The following HEMK2 variants were observed in gnomAD, a reference collection of about 807,000 sequenced individuals.
The protein encoded by HEMK2 is HemK methyltransferase 2, ETF1 glutamine and histone H4 lysine, also known as methyltransferase HEMK2.
At chr21:28,830,729 T>G in the HEMK2 span, among the ~76,000 whole-genome samples, 1 of 151,972 alleles carries the variant, frequency 6.6e-6, no homozygotes, top group Non-Finnish European at 1.5e-5. Context: ...TACAAAAAAT[T>G]AGCCGGGCAT....
At chr21:28,680,806 G>A in the HEMK2 span, among the ~76,000 whole-genome samples, 3 of 152,226 alleles carry the variant, frequency 2.0e-5, no homozygotes, top group South Asian at 2.1e-4. Context: ...AAAACCATAC[G>A]ATTATCTCAA....
chr21:28,790,009 A>T, the HEMK2 span, among the ~76,000 whole-genome samples: 31 of 152,358 alleles, frequency 2.0e-4, no homozygotes, highest in Middle Eastern at 3.4e-3. Flanking sequence ...AGTTAACTTT[A>T]ACTTACTTAG....
the HEMK2 span, among the ~76,000 whole-genome samples, chr21:28,849,359 CA>C: frequency 1.3e-5 from 2 of 151,174 alleles, no homozygotes; most frequent in Non-Finnish European, 3.0e-5. Context: ...ACAACAACAA[CA>C]AAAAAAAACC....
chr21:28,661,596 G>A, the HEMK2 span, among the ~76,000 whole-genome samples: 4 of 151,850 alleles, frequency 2.6e-5, no homozygotes, highest in African/African-American at 9.7e-5. Context: ...TTTTCTTGAG[G>A]AAGCTCATGC....
chr21:28,682,894 G>A, the HEMK2 span, among the ~76,000 whole-genome samples: 17 of 152,212 alleles, frequency 1.1e-4, no homozygotes, highest in Non-Finnish European at 2.4e-4. Context: ...ACACACTGGG[G>A]CCTGTGTAGG....
chr21:28,757,119 G>A, the HEMK2 span, among the ~76,000 whole-genome samples: 13 of 152,198 alleles, frequency 8.5e-5, no homozygotes, highest in African/African-American at 2.9e-4. Context: ...ATGCTACACC[G>A]TACAGTATTA....
chr21:28,693,896 T>C, the HEMK2 span, among the ~76,000 whole-genome samples: 10 of 152,230 alleles, frequency 6.6e-5, no homozygotes, highest in African/African-American at 2.4e-4. Context: ...AAATTCAACA[T>C]GGATTTTTCA....
chr21:28,667,869 G>A, the HEMK2 span, among the ~76,000 whole-genome samples: 1 of 152,048 alleles, frequency 6.6e-6, no homozygotes, highest in Non-Finnish European at 1.5e-5. Flanking sequence ...GAGTTGTTGG[G>A]AGTATTAAAT....
chr21:28,710,363 T>C, the HEMK2 span, among the ~76,000 whole-genome samples: 1 of 152,236 alleles, frequency 6.6e-6, no homozygotes, highest in Non-Finnish European at 1.5e-5. Flanking sequence ...TCTAATTTTG[T>C]TCTTGAAAGT....
At chr21:28,860,871 A>C in the HEMK2 span, among the ~76,000 whole-genome samples, 2 of 152,316 alleles carry the variant, frequency 1.3e-5, no homozygotes, top group African/African-American at 4.8e-5. Context: ...GGAGTTAAAA[A>C]AGGTTCTAAT....
the HEMK2 span, among the ~76,000 whole-genome samples, chr21:28,864,875 TA>T: frequency 1.7e-5 from 1 of 58,238 alleles, no homozygotes; most frequent in African/African-American, 4.9e-5. Context: ...AGATGGATGA[TA>T]GGTAGATATA....
At chr21:28,882,750 T>C in the HEMK2 span, among the ~76,000 whole-genome samples, 2 of 152,300 alleles carry the variant, frequency 1.3e-5, no homozygotes, top group Middle Eastern at 3.4e-3. Flanking sequence ...GATATCAAAT[T>C]ACTTAGCTAA....
chr21:28,779,672 C>T, the HEMK2 span, among the ~76,000 whole-genome samples: 1 of 152,118 alleles, frequency 6.6e-6, no homozygotes, highest in Non-Finnish European at 1.5e-5. Flanking sequence ...TCACTTTCTC[C>T]TGCCATGTTT....
At chr21:28,753,657 A>G in the HEMK2 span, among the ~76,000 whole-genome samples, 1 of 152,208 alleles carries the variant, frequency 6.6e-6, no homozygotes, top group African/African-American at 2.4e-5. Context: ...CTCTAAGGGT[A>G]GCCATTTACA....
At chr21:28,579,419 T>A in the HEMK2 span, among the ~76,000 whole-genome samples, 1 of 152,208 alleles carries the variant, frequency 6.6e-6, no homozygotes, top group East Asian at 1.9e-4. Flanking sequence ...AGGAATTTAA[T>A]AAGACCTTTA....
the HEMK2 span, among the ~76,000 whole-genome samples, chr21:28,877,605 A>G: frequency 6.6e-6 from 1 of 150,436 alleles, no homozygotes; most frequent in Non-Finnish European, 1.5e-5. Context: ...GGAGAGAAGG[A>G]AGGAAAAAAA....
the HEMK2 span, among the ~76,000 whole-genome samples, chr21:28,813,305 A>G: frequency 1.3e-5 from 2 of 152,224 alleles, no homozygotes; most frequent in Admixed American, 6.5e-5. Context: ...CTATACACCA[A>G]TAATAGTCAA....
chr21:28,771,656 T>C, the HEMK2 span, among the ~76,000 whole-genome samples: 1 of 152,136 alleles, frequency 6.6e-6, no homozygotes. Context: ...ATTCTCTGTG[T>C]CCATTTTAAC....
the HEMK2 span, among the ~76,000 whole-genome samples, chr21:28,805,824 G>GT: frequency 2.0e-5 from 3 of 152,142 alleles, no homozygotes; most frequent in Non-Finnish European, 1.5e-5. Context: ...TGAAACTAAT[G>GT]TATTTATAGG....
Sources: allele counts gnomAD v4.1 joint callset (sites outside exome capture counted in the v4.1 genomes callset), GRCh38; gene constraint gnomAD v4.1.1; transcripts MANE v1.5; gene names NCBI Gene and HGNC (gene_info 2026-07-23, HGNC 2026-07-21).